FGF13: variants seen among roughly 807,000 people sequenced by gnomAD.
The protein encoded by FGF13 is fibroblast growth factor homologous factor 2.
A neutral mutation model predicts 19.5 loss-of-function variants in FGF13; 2 were observed. That is an observed-to-expected ratio of 0.10 (90% CI 0.04 to 0.32). FGF13 has a LOEUF of 0.32. Ranked by LOEUF, FGF13 falls within the 10% of genes least tolerant of loss-of-function variation. FGF13 has a pLI of 1.00. For missense variants in FGF13, 113 were observed against 192.7 expected (o/e 0.59, Z 2.45); for synonymous variants, 72 against 76.9 (o/e 0.94, Z 0.33).
intron 1 of FGF13, among the ~76,000 whole-genome samples, chrX:139,109,419 T>G (rs976844701): frequency 8.9e-6 from 1 of 111,810 alleles, no homozygotes; most frequent in Non-Finnish European, 1.9e-5. Context: ...CTGCAGTATG[T>G]TTTTGGATGA....
rs1569436186 is a variant in FGF13, at chrX:138,984,589, A to AGAAGAAGAAGAAGAG, written c.-112-119940_-112-119939insCTCTTCTTCTTCTTC. Among the ~76,000 whole-genome samples, 14 of 17,031 alleles carry AGAAGAAGAAGAAGAG rather than the reference A, an allele frequency of 8.2e-4. 1 individual carries two copies. Among genetic ancestry groups the AGAAGAAGAAGAAGAG allele is most frequent in the African/African-American group, 2.6e-3 (13 of 4,994 alleles). 14.8% of individuals were successfully genotyped at this position (17,031 alleles called of 115,157 possible). ...AAGAAGAAGAAGAAGAAGAAGAAGA[A>AGAAGAAGAAGAAGAG]GGAGGAGGAGGAGGAGGAGGAGGAG... On this transcript the variant is annotated intron_variant, in intron 1 of 2. Coordinates refer to the FGF13 transcript ENST00000421460.
chrX:138,869,723 A>C (rs775265940), intron 1 of FGF13, among the ~76,000 whole-genome samples: 1 of 112,355 alleles, frequency 8.9e-6, no homozygotes, highest in South Asian at 3.6e-4. Flanking sequence ...CTAGAACATA[A>C]CTCTCAATTA....
At chrX:138,948,873 G>GA (rs1333669221) in intron 1 of FGF13, among the ~76,000 whole-genome samples, 1 of 111,504 alleles carries the variant, frequency 9.0e-6, no homozygotes, top group Non-Finnish European at 1.9e-5. Flanking sequence ...CTCTGAACTG[G>GA]AAAAAAACAG....
chrX:139,057,448 C>A (rs1482105232), intron 1 of FGF13, among the ~76,000 whole-genome samples: 1 of 111,756 alleles, frequency 8.9e-6, no homozygotes, highest in Non-Finnish European at 1.9e-5. Context: ...ATGGTGCCGT[C>A]ACTTTGAAAA....
intron 1 of FGF13, among the ~76,000 whole-genome samples, chrX:138,903,706 GC>G (rs755962071): frequency 7.2e-5 from 8 of 111,875 alleles, no homozygotes; most frequent in African/African-American, 2.6e-4. Context: ...CAAGGTATCT[GC>G]TCCCTCTATT....
chrX:138,907,014 G>A (rs1045650730), intron 1 of FGF13, among the ~76,000 whole-genome samples: 22 of 111,726 alleles, frequency 2.0e-4, no homozygotes, highest in Non-Finnish European at 3.6e-4. Flanking sequence ...CTTCACTAAC[G>A]TGCTGTGTAA....
chrX:139,054,430 A>G (rs908488534), intron 1 of FGF13, among the ~76,000 whole-genome samples: 1 of 111,343 alleles, frequency 9.0e-6, no homozygotes, highest in Admixed American at 9.5e-5. Context: ...GCTGGTCTAC[A>G]TGCCTATTTT....
intron 1 of FGF13, among the ~76,000 whole-genome samples, chrX:139,109,029 T>C (rs1008654717): frequency 8.9e-6 from 1 of 111,866 alleles, no homozygotes; most frequent in Non-Finnish European, 1.9e-5. Flanking sequence ...CGTTCCTTTT[T>C]ATGGCTGCAA....
intron 1 of FGF13, among the ~76,000 whole-genome samples, chrX:139,202,479 T>C (rs1483358254): frequency 8.9e-6 from 1 of 111,954 alleles, no homozygotes; most frequent in Non-Finnish European, 1.9e-5. Flanking sequence ...CCAAAGTTAC[T>C]CTTTCACTTG....
intron 1 of FGF13, among the ~76,000 whole-genome samples, chrX:139,029,332 G>C (rs754731783): frequency 1.8e-5 from 2 of 111,392 alleles, no homozygotes; most frequent in Non-Finnish European, 3.8e-5. Flanking sequence ...CCAGACACTT[G>C]GAATTGATGG....
chrX:138,687,394 A>G (rs1203447956), intron 3 of FGF13, among the ~76,000 whole-genome samples: 1 of 112,306 alleles, frequency 8.9e-6, no homozygotes, highest in Non-Finnish European at 1.9e-5. Context: ...CAACAGACAC[A>G]TGAAAAATAT....
intron 1 of FGF13, among the ~76,000 whole-genome samples, chrX:139,029,930 T>C (rs1368320196): frequency 1.8e-5 from 2 of 111,742 alleles, no homozygotes; most frequent in Non-Finnish European, 3.8e-5. Flanking sequence ...AGTAAATAAT[T>C]TTAGTTTTGT....
At chrX:138,715,977 T>C (rs1279625372), upstream of FGF13, 4 of 112,125 alleles carry the variant, frequency 3.6e-5, no homozygotes, top group African/African-American at 1.3e-4. Context: ...CAGATGTGAC[T>C]GTGATGAGTA....
intron 1 of FGF13, among the ~76,000 whole-genome samples, chrX:138,709,524 T>C (rs1448872648): frequency 1.8e-5 from 2 of 112,235 alleles, no homozygotes; most frequent in Admixed American, 9.4e-5. Context: ...TCTTGTCATA[T>C]TAATTATCAT....
chrX:138,759,016 C>T (rs770230198), intron 3 of FGF13, among the ~76,000 whole-genome samples: 2 of 111,983 alleles, frequency 1.8e-5, no homozygotes, highest in Non-Finnish European at 1.9e-5. Flanking sequence ...TCCTTAAGGC[C>T]AACAGGGTAG....
chrX:138,813,419 C>G (rs931738443), intron 3 of FGF13, among the ~76,000 whole-genome samples: 1 of 111,540 alleles, frequency 9.0e-6, no homozygotes, highest in African/African-American at 3.3e-5. Flanking sequence ...CCCTCTCTTT[C>G]TTCTCTCCCT....
At chrX:138,797,240 T>C (rs73241072) in intron 3 of FGF13, among the ~76,000 whole-genome samples, 24 of 111,781 alleles carry the variant, frequency 2.1e-4, no homozygotes, top group Non-Finnish European at 3.9e-4. Context: ...GTATAAGGTG[T>C]AAGAAAGGAA....
chrX:138,776,870 G>A (rs921015001), intron 3 of FGF13, among the ~76,000 whole-genome samples: 2 of 111,629 alleles, frequency 1.8e-5, no homozygotes, highest in African/African-American at 6.5e-5. Context: ...ACAAGATGGT[G>A]TAGATGTATT....
intron 1 of FGF13, among the ~76,000 whole-genome samples, chrX:139,166,013 G>A (rs2084081623): frequency 9.0e-6 from 1 of 111,713 alleles, no homozygotes; most frequent in South Asian, 3.8e-4. Flanking sequence ...AAACTTTGGA[G>A]TTGGACTTTT....
Sources: gnomAD v4.1 joint callset for allele counts (sites outside exome capture counted in the v4.1 genomes callset) on GRCh38, gnomAD v4.1.1 for gene constraint, MANE v1.5 for transcripts, NCBI Gene and HGNC (gene_info 2026-07-23, HGNC 2026-07-21) for gene names.